ANO7: variants seen among roughly 807,000 people sequenced by gnomAD.
The protein encoded by ANO7 is anoctamin-7.
In ANO7, 114 loss-of-function variants were observed where a neutral mutation model predicts 115.8. The observed-to-expected ratio is 0.98, with a 90% confidence interval of 0.85 to 1.15. The LOEUF is 1.15. ANO7 is among the 50% of genes most tolerant of loss of function. ANO7 has a pLI of 0.00. For missense variants in ANO7, 1,302 were observed against 1,201.2 expected, an observed-to-expected ratio of 1.08 and a Z score of -1.24; for synonymous variants, 550 against 498.2, an observed-to-expected ratio of 1.10 and a Z score of -1.38.
intron 8 of ANO7, among the ~76,000 whole-genome samples, chr2:241,202,586 T>A (rs2068498152): frequency 6.6e-6 from 1 of 152,206 alleles, no homozygotes; most frequent in South Asian, 2.1e-4. Context: ...TCTGTCTCTC[T>A]GGGTAGCGTC....
At chr2:241,230,894 G>A, downstream of ANO7, 5 of 1,614,178 alleles carry the variant, frequency 3.1e-6, no homozygotes, top group Non-Finnish European at 2.5e-6. The surrounding 1 kb of genome is among the most constrained non-coding windows in gnomAD (Gnocchi z 5.0). Flanking sequence ...TAGCATCCCT[G>A]GCAGCTTCTG....
chr2:241,196,332 C>T (rs1380474527), intron 4 of ANO7, among the ~76,000 whole-genome samples: 1 of 152,140 alleles, frequency 6.6e-6, no homozygotes, highest in Non-Finnish European at 1.5e-5. Context: ...GCTGGGTGTG[C>T]GGGCACAGGC....
In ANO7 at chr2:241,210,509, C is replaced by T. The variant is rs746701316; in HGVS notation, c.1500C>T (p.Leu500=). The T allele has an allele frequency of 2.7e-5, 44 of 1,613,968 alleles. No individual in the cohort carries two copies. Among genetic ancestry groups the T allele is most frequent in the Non-Finnish European group, 3.4e-5 (40 of 1,180,018 alleles). ...GCCTCACGGGGTCTGTAGTGAACCT[C>T]GTCTTCATCCTCATCCTCTCCAAGA... ...IASLTGSVVN[L]VFILILSKIY... The change falls in exon 15 of 25, where the codon CTC becomes CTT. Residue 500 remains leucine (L), a synonymous_variant. Coordinates refer to ENST00000674324, the MANE Select transcript of ANO7 (RefSeq NM_001370694.2).
chr2:241,211,987 T>C (rs561124076), intron 15 of ANO7, 107 bp from the exon 16 acceptor site: 420 of 738,740 alleles, frequency 5.7e-4, no homozygotes, highest in Non-Finnish European at 6.5e-4. Context: ...CTGGATGATA[T>C]GGCCTTTTCC....
In ANO7 at chr2:241,200,157, G is replaced by T. The variant is rs150195342; in HGVS notation, c.486G>T (p.Leu162=). 258 of 1,613,170 alleles carry T rather than the reference G, an allele frequency of 1.6e-4. 1 individual carries two copies. In the African/African-American group the frequency reaches 2.9e-3, roughly 18 times the overall value. ...LLAWLGIPNV[L]LEVVPDVPPE... ...CATGGCTGGGCATCCCCAACGTCCT[G>T]CTGGAGGTTGTGCCAGACGTACCCC... Residue 162 remains leucine (L), a synonymous_variant, in exon 6 of 25, where the codon CTG becomes CTT. Coordinates refer to ENST00000674324, the MANE Select transcript of ANO7 (RefSeq NM_001370694.2).
rs372120876 is a variant in ANO7, at chr2:241,203,297, G to A, written c.724-36G>A. On this transcript the variant is annotated intron_variant, in intron 8 of 24. Coordinates refer to ENST00000674324, the MANE Select transcript of ANO7 (RefSeq NM_001370694.2). The surrounding 1 kb of genome is among the most constrained non-coding windows in gnomAD (Gnocchi z 4.8). ...ACAACAGTGCCCAGTGGGGTCAGCT[G>A]GGGGAGCCTCCCACCCACAGGCCGC... is the stretch of plus-strand genomic sequence containing the variant. The A allele has an allele frequency of 2.0e-6, 3 of 1,477,444 alleles. No homozygotes were observed. The highest frequency in any genetic ancestry group is 2.5e-5 in the East Asian group (1 of 39,902). The allele number at this position is 1,477,444 out of a possible 1,614,324, so 91.5% of individuals were successfully genotyped here.
intron 21 of ANO7, among the ~76,000 whole-genome samples, chr2:241,222,705 G>A (rs1045012203): frequency 6.6e-6 from 1 of 152,158 alleles, no homozygotes; most frequent in African/African-American, 2.4e-5. Flanking sequence ...AGAGACACAG[G>A]AAGATGTCAA....
intron 18 of ANO7, among the ~76,000 whole-genome samples, chr2:241,215,404 G>A (rs534727467): frequency 1.3e-5 from 2 of 152,298 alleles, no homozygotes; most frequent in African/African-American, 2.4e-5. Flanking sequence ...CCAGGGCCTC[G>A]CCTCCCGCTC....
At chr2:241,230,043 C>T (rs2069555846), downstream of ANO7, 6 of 1,580,350 alleles carry the variant, frequency 3.8e-6, no homozygotes, top group East Asian at 2.3e-5. The surrounding 1 kb of genome is among the most constrained non-coding windows in gnomAD (Gnocchi z 5.0). Flanking sequence ...CTGCACCTCG[C>T]CTGCCTCTGG....
chr2:241,210,120 T>G (rs1163090677), intron 13 of ANO7, among the ~76,000 whole-genome samples, 175 bp from the exon 14 acceptor site: 2 of 152,164 alleles, frequency 1.3e-5, no homozygotes, highest in South Asian at 2.1e-4. Flanking sequence ...CCTGAGCAAC[T>G]CATCAGGAAG....
Position 241,224,240 on chromosome 2 carries a change from C to A in ANO7, c.*87C>A. On this transcript the variant is annotated 3_prime_UTR_variant, in exon 25 of 25. Coordinates refer to ENST00000674324, the MANE Select transcript of ANO7 (RefSeq NM_001370694.2). Reference sequence around the variant, plus strand: ...GTCCTTTTCCTCTTCCCTCAGGCAGCGGCTGTGTGAACCGCTGGCTGCTGT... The same window carrying A: ...GTCCTTTTCCTCTTCCCTCAGGCAGAGGCTGTGTGAACCGCTGGCTGCTGT... 1 of 1,466,820 alleles carries A rather than the reference C, an allele frequency of 6.8e-7. No individual in the cohort carries two copies. 90.9% of individuals were successfully genotyped at this position (1,466,820 alleles called of 1,614,324 possible).
chr2:241,235,676 A>T, the ANO7 span: 1 of 929,370 alleles, frequency 1.1e-6, no homozygotes, highest in Non-Finnish European at 1.7e-6. Context: ...GCTCCACGAA[A>T]CACAAGGCAA....
chr2:241,235,275 A>G, the ANO7 span: 1 of 1,614,086 alleles, frequency 6.2e-7, no homozygotes, highest in Non-Finnish European at 8.5e-7. Context: ...GAGGGGGCTG[A>G]CTTGACGTTC....
intron 21 of ANO7, among the ~76,000 whole-genome samples, chr2:241,221,433 C>T (rs954599231): frequency 1.3e-5 from 2 of 151,944 alleles, no homozygotes; most frequent in Non-Finnish European, 2.9e-5. Context: ...GGCTGGAGTA[C>T]AGTGGTGTGA....
intron 15 of ANO7, among the ~76,000 whole-genome samples, 153 bp from the exon 16 acceptor site, chr2:241,211,941 C>T (rs942224175): frequency 8.5e-5 from 13 of 152,316 alleles, no homozygotes; most frequent in South Asian, 6.2e-4. Context: ...TGGGTGACTT[C>T]GGAAATGTCA....
intron 10 of ANO7, among the ~76,000 whole-genome samples, chr2:241,205,267 GGCGCTCCCAGGCTGACAGGTAGTCAGGA>G (rs928281040): frequency 2.0e-5 from 3 of 147,850 alleles, no homozygotes; most frequent in African/African-American, 7.6e-5. Flanking sequence ...AGGCAGACGG[GGCGCTCCCAGGCTGACAGGTAGTCAGGA>G]GTGCTCCCAG....
At chr2:241,235,974 C>T in the ANO7 span, 2 of 219,498 alleles carry the variant, frequency 9.1e-6, no homozygotes, top group Admixed American at 1.0e-4. Context: ...TGCCCTGTCC[C>T]TTGGGATCAG....
In ANO7 at chr2:241,195,788, G is replaced by A; in HGVS notation, c.252G>A (p.Arg84=). The change falls in exon 4 of 25, where the codon AGG becomes AGA. Residue 84 remains arginine (R), a synonymous_variant. Transcript: ENST00000674324. ...CCCGGGACAGAACAGACATGCACAG[G>A]ACCTGGCGGGAGACTTTTCTGGATA... ...SAARDRTDMH[R]TWRETFLDNL... is the part of the protein sequence containing the mutation. 6.2e-7 allele frequency: 1 copy of A among 1,614,278 alleles called. No homozygotes were observed. Among genetic ancestry groups the A allele is most frequent in the East Asian group, 2.2e-5 (1 of 44,890 alleles).
intron 3 of ANO7, among the ~76,000 whole-genome samples, chr2:241,195,086 C>T (rs2068291211): frequency 6.6e-6 from 1 of 152,226 alleles, no homozygotes; most frequent in South Asian, 2.1e-4. Context: ...GACCCGGTGG[C>T]TCCGTCTTCT....
Sources: allele counts gnomAD v4.1 joint callset (sites outside exome capture counted in the v4.1 genomes callset), GRCh38; gene constraint gnomAD v4.1.1; non-coding constraint Gnocchi (gnomAD v3.1); transcripts MANE v1.5; gene names NCBI Gene and HGNC (gene_info 2026-07-23, HGNC 2026-07-21).